The following TSPAN9 variants were observed in gnomAD, a reference collection of about 807,000 sequenced individuals.
TSPAN9 encodes the protein tetraspanin-9.
A neutral mutation model predicts 31.0 loss-of-function variants in TSPAN9; 16 were observed. That is an observed-to-expected ratio of 0.52 (90% CI 0.35 to 0.78). The LOEUF is 0.78. TSPAN9 is among the 30% of genes least tolerant of loss of function. TSPAN9 has a pLI of 0.01. For synonymous variants in TSPAN9, 145 were observed against 121.6 expected, an observed-to-expected ratio of 1.19 and a Z score of -1.27; for missense variants, 272 against 312.5, an observed-to-expected ratio of 0.87 and a Z score of 0.98.
intron 3 of TSPAN9, among the ~76,000 whole-genome samples, chr12:3,263,230 G>T (rs1243472779): frequency 1.3e-5 from 2 of 152,228 alleles, no homozygotes; most frequent in Non-Finnish European, 2.9e-5. Context: ...GCTGGAGAGG[G>T]CTTTGGATAT....
intron 3 of TSPAN9, among the ~76,000 whole-genome samples, chr12:3,240,024 C>CT (rs67405270): frequency 0.92 from 137,868 of 149,266 alleles, 64,066 homozygotes; most frequent in Non-Finnish European, 0.98. Context: ...CTATTACTCC[C>CT]TTTTTTTTTC....
chr12:3,184,727 G>A (rs1039705406), intron 2 of TSPAN9, among the ~76,000 whole-genome samples: 9 of 152,178 alleles, frequency 5.9e-5, no homozygotes, highest in Non-Finnish European at 1.0e-4. Context: ...TTTTGCTGAC[G>A]TTCTGCGGCA....
chr12:3,193,735 A>T (rs893768853), intron 2 of TSPAN9, among the ~76,000 whole-genome samples: 1 of 152,180 alleles, frequency 6.6e-6, no homozygotes, highest in African/African-American at 2.4e-5. Flanking sequence ...GCCCACTCCG[A>T]ATGGGCAGAG....
chr12:3,112,676 CTT>C (rs765040711), intron 2 of TSPAN9, among the ~76,000 whole-genome samples: 5 of 88,494 alleles, frequency 5.7e-5, no homozygotes, highest in Admixed American at 1.3e-4. Flanking sequence ...TTTATTTTTG[CTT>C]TTTTTTTTTT....
chr12:3,086,888 C>G (rs560938185), intron 2 of TSPAN9, among the ~76,000 whole-genome samples: 1 of 152,228 alleles, frequency 6.6e-6, no homozygotes, highest in Non-Finnish European at 1.5e-5. Flanking sequence ...CCTGGCTGTG[C>G]GCACACTTGG....
intron 3 of TSPAN9, among the ~76,000 whole-genome samples, chr12:3,242,122 T>C (rs1187555875): frequency 1.3e-5 from 2 of 152,232 alleles, no homozygotes; most frequent in African/African-American, 4.8e-5. Flanking sequence ...TAGGGCTTCC[T>C]TGGACCCCTG....
intron 2 of TSPAN9, among the ~76,000 whole-genome samples, chr12:3,095,936 C>T (rs1486548087): frequency 2.7e-5 from 4 of 149,712 alleles, no homozygotes; most frequent in Non-Finnish European, 5.9e-5. Context: ...GACGGGGTGG[C>T]GGCCGGGCAG....
chr12:3,144,831 A>C (rs1025886550), intron 2 of TSPAN9, among the ~76,000 whole-genome samples: 7 of 152,242 alleles, frequency 4.6e-5, no homozygotes, highest in Non-Finnish European at 4.4e-5. Context: ...GTGCCCCTTC[A>C]GTGAGGCTTG....
At chr12:3,096,243 A>T (rs2098308799) in intron 2 of TSPAN9, among the ~76,000 whole-genome samples, 1 of 152,202 alleles carries the variant, frequency 6.6e-6, no homozygotes, top group Non-Finnish European at 1.5e-5. Context: ...TGCTGTAGGG[A>T]CTGGTCTGTG....
chr12:3,191,114 G>T (rs756122371), intron 2 of TSPAN9, among the ~76,000 whole-genome samples: 13 of 152,130 alleles, frequency 8.5e-5, no homozygotes, highest in Non-Finnish European at 1.8e-4. Context: ...GGCGGAGGGA[G>T]CATCCAGTGC....
At chr12:3,113,040 G>T (rs929952297) in intron 2 of TSPAN9, among the ~76,000 whole-genome samples, 1 of 152,066 alleles carries the variant, frequency 6.6e-6, no homozygotes. Context: ...CCCACTGATT[G>T]TTCAGGAGCT....
intron 3 of TSPAN9, among the ~76,000 whole-genome samples, chr12:3,205,841 G>T (rs2153973479): frequency 6.6e-6 from 1 of 152,258 alleles, no homozygotes; most frequent in Non-Finnish European, 1.5e-5. Context: ...CAGGTGCGGG[G>T]CCTGGCAGAT....
At chr12:3,084,736 A>G (rs756455047) in intron 2 of TSPAN9, among the ~76,000 whole-genome samples, 5 of 152,262 alleles carry the variant, frequency 3.3e-5, no homozygotes, top group Admixed American at 6.5e-5. Flanking sequence ...CCCGTGGGGT[A>G]GCTGTCATGT....
In TSPAN9 at chr12:3,147,128, T is replaced by C. The variant is rs1434723178; in HGVS notation, c.-17-54049T>C. ...CTCCTTACTTCCTTTCTGCAGGGTA[T>C]GTAGTGAGATATTTTTGAGTTTAGG... On this transcript the variant is annotated intron_variant, in intron 2 of 8. Coordinates refer to ENST00000011898, the MANE Select transcript of TSPAN9 (RefSeq NM_006675.5). The surrounding 1 kb of genome is among the most constrained non-coding windows in gnomAD (Gnocchi z 4.3). Among the ~76,000 whole-genome samples the C allele has an allele frequency of 6.6e-6, 1 of 152,054 alleles. No homozygotes were observed. Among genetic ancestry groups the C allele is most frequent in the East Asian group, 1.9e-4 (1 of 5,150 alleles).
chr12:3,218,882 A>C, intron 3 of TSPAN9, among the ~76,000 whole-genome samples: 1 of 152,078 alleles, frequency 6.6e-6, no homozygotes, highest in Middle Eastern at 3.2e-3. Flanking sequence ...ACCCCCCGGC[A>C]ATCCATCCTC....
chr12:3,115,125 T>C (rs1300181815), intron 2 of TSPAN9, among the ~76,000 whole-genome samples: 1 of 151,696 alleles, frequency 6.6e-6, no homozygotes, highest in Non-Finnish European at 1.5e-5. Flanking sequence ...ATGTATCTTT[T>C]GTCTCCATGA....
chr12:3,277,932 G>A (rs1413532363), intron 3 of TSPAN9, among the ~76,000 whole-genome samples: 4 of 152,236 alleles, frequency 2.6e-5, no homozygotes, highest in Non-Finnish European at 2.9e-5. Context: ...GGACACAGTC[G>A]CTGGAAGTTC....
At chr12:3,185,070 A>G (rs2335817) in intron 2 of TSPAN9, among the ~76,000 whole-genome samples, 3 of 152,070 alleles carry the variant, frequency 2.0e-5, no homozygotes, top group Non-Finnish European at 4.4e-5. Context: ...TGATAAGAGT[A>G]GTGAAGACTG....
chr12:3,270,676 C>A (rs1014542809), intron 3 of TSPAN9, among the ~76,000 whole-genome samples: 2 of 152,262 alleles, frequency 1.3e-5, no homozygotes, highest in Non-Finnish European at 2.9e-5. Context: ...GGGGCCAGGA[C>A]TGCTGGTGAC....
Sources: gnomAD v4.1 joint callset for allele counts (sites outside exome capture counted in the v4.1 genomes callset) on GRCh38, gnomAD v4.1.1 for gene constraint, Gnocchi (gnomAD v3.1) non-coding constraint, MANE v1.5 for transcripts, NCBI Gene and HGNC (gene_info 2026-07-23, HGNC 2026-07-21) for gene names.